Variants in B3GLCT observed in about 807,000 individuals in gnomAD.
B3GLCT encodes beta-1,3-glucosyltransferase.
A neutral mutation model predicts 63.4 loss-of-function variants in B3GLCT; 65 were observed. The ratio of observed to expected loss-of-function variants is 1.03; its 90% confidence interval spans 0.84 to 1.26. The LOEUF is 1.26. Ranked by LOEUF, B3GLCT falls within the 50% of genes most tolerant of loss-of-function variation. The probability of loss-of-function intolerance (pLI) is 0.00; values close to 1 mark genes in which losing one functional copy is unlikely to be tolerated. For synonymous variants in B3GLCT, 233 were observed against 219.2 expected (o/e 1.06, Z -0.55); for missense variants, 577 against 604.8 (o/e 0.95, Z 0.48).
rs1875855520 is a variant in B3GLCT at position 31,330,394 on chromosome 13, C to T, written c.*726C>T. 2 of 152,112 alleles carry T rather than the reference C, an allele frequency of 1.3e-5. No homozygotes were observed. The highest frequency in any genetic ancestry group is 1.3e-4 in the Admixed American group (2 of 15,262). 9.4% of individuals were successfully genotyped at this position (152,112 alleles called of 1,614,324 possible). A position where few individuals can be genotyped will look rare whatever the true frequency, so the allele number is the denominator to read the frequency against. On this transcript the variant is annotated 3_prime_UTR_variant, in exon 15 of 15. Coordinates refer to ENST00000343307, the MANE Select transcript of B3GLCT (RefSeq NM_194318.4). ...TCTCCCTGAAGCCCTATCTTTATGG[C>T]TTACTTGTAACATGAAAGTAGTAGA... is the stretch of plus-strand genomic sequence containing the variant.
intron 1 of B3GLCT, among the ~76,000 whole-genome samples, chr13:31,204,586 C>A (rs1868846370): frequency 6.6e-6 from 1 of 152,042 alleles, no homozygotes; most frequent in African/African-American, 2.4e-5. Context: ...TTGGGTAGGG[C>A]CTTGCAGATC....
At chr13:31,255,112 G>A (rs369071214) in intron 6 of B3GLCT, among the ~76,000 whole-genome samples, 2 of 151,210 alleles carry the variant, frequency 1.3e-5, no homozygotes, top group East Asian at 1.9e-4. Context: ...GCAAAGTCTC[G>A]GGATACAAAA....
In B3GLCT at chr13:31,329,520, C is replaced by T; in HGVS notation, c.1349C>T (p.Pro450Leu). ...CTGCAGGCTCGGCCGGTGGATTACC[C>T]TAAGGACTACCTTTCTCATCAAGTT... is the stretch of plus-strand genomic sequence containing the variant. ...LFHQARPVDY[P>L]KDYLSHQVPI... Residue 450 changes from proline (P) to leucine (L), a missense_variant, in exon 15 of 15, where the codon CCT (proline) becomes CTT (leucine). Physicochemically the swap from Pro to Leu is moderately conservative, Grantham distance 98 (BLOSUM62 -3). Coordinates refer to ENST00000343307, the MANE Select transcript of B3GLCT (RefSeq NM_194318.4). The T allele has an allele frequency of 6.2e-7, 1 of 1,614,216 alleles. No homozygotes were observed. The highest frequency in any genetic ancestry group is 8.5e-7 in the Non-Finnish European group (1 of 1,180,042).
At chr13:31,266,188 C>T (rs575919885) in intron 7 of B3GLCT, among the ~76,000 whole-genome samples, 8 of 151,990 alleles carry the variant, frequency 5.3e-5, no homozygotes, top group Non-Finnish European at 8.8e-5. Context: ...TTAGTAGAGA[C>T]GGGGTTTCAC....
intron 12 of B3GLCT, 40 bp downstream of exon 12, chr13:31,286,859 C>T: frequency 2.2e-6 from 3 of 1,361,538 alleles, no homozygotes; most frequent in Non-Finnish European, 2.1e-6. Context: ...TTAAATTCTA[C>T]ATATATTCAT....
chr13:31,257,533 A>T (rs1871803884), intron 6 of B3GLCT, among the ~76,000 whole-genome samples: 1 of 152,030 alleles, frequency 6.6e-6, no homozygotes. Context: ...TTAATGTTAG[A>T]TGTAAAAGTT....
At chr13:31,238,907 G>C (rs1366758713) in intron 4 of B3GLCT, among the ~76,000 whole-genome samples, 1 of 152,228 alleles carries the variant, frequency 6.6e-6, no homozygotes, top group African/African-American at 2.4e-5. Flanking sequence ...GTTTGAAGCT[G>C]TGTAGCAATA....
chr13:31,243,673 T>G (rs1023052220), intron 4 of B3GLCT, among the ~76,000 whole-genome samples: 3 of 152,204 alleles, frequency 2.0e-5, no homozygotes, highest in Non-Finnish European at 4.4e-5. Flanking sequence ...TGAATTAGAA[T>G]GTTGGTTTTA....
At position 31,299,930 on chromosome 13, in the gene B3GLCT, A is replaced by G. The variant is rs148212404; in HGVS notation, c.1064+13111A>G. On this transcript the variant is annotated intron_variant, in intron 12 of 14. Coordinates refer to ENST00000343307, the MANE Select transcript of B3GLCT (RefSeq NM_194318.4). The stretch of plus-strand genomic sequence containing the variant: ...ATGGGCAGGCAATTGGTCACTGCCT[A>G]TGAGTTAGTAAAATCCTAAACACAA... Among the ~76,000 whole-genome samples, 18 of 152,316 alleles carry G rather than the reference A, an allele frequency of 1.2e-4. No individual in the cohort carries two copies. The East Asian group carries it at 3.5e-3, about 29-fold the overall frequency.
rs746265467 is a variant in B3GLCT, at chr13:31,229,224, ATTC to A, written c.203_205del (p.Ser68del). On this transcript the variant is annotated inframe_deletion, in exon 4 of 15. Transcript: ENST00000343307. ...GTATTCGTCATCCAGAGTCAAAGTA[ATTC>A]TTTTCATGCAAAGAGAGCAGAGCAG... 6.2e-7 allele frequency: 1 copy of A among 1,613,190 alleles called. No homozygotes were observed. The highest frequency in any genetic ancestry group is 8.5e-7 in the Non-Finnish European group (1 of 1,179,122).
chr13:31,265,657 C>T (rs1350186182), intron 7 of B3GLCT, among the ~76,000 whole-genome samples: 1 of 152,218 alleles, frequency 6.6e-6, no homozygotes, highest in African/African-American at 2.4e-5. Context: ...ACAATACTTT[C>T]ATTTTTGGAG....
At chr13:31,300,518 G>A (rs1874171354) in intron 12 of B3GLCT, among the ~76,000 whole-genome samples, 1 of 152,242 alleles carries the variant, frequency 6.6e-6, no homozygotes, top group Admixed American at 6.5e-5. Flanking sequence ...CAGAGACTAG[G>A]GTTTTTTGGA....
At chr13:31,286,434 A>G (rs560164923) in intron 11 of B3GLCT, among the ~76,000 whole-genome samples, 37 of 152,290 alleles carry the variant, frequency 2.4e-4, no homozygotes, top group Non-Finnish European at 1.8e-4. Context: ...TACTAATTCT[A>G]TCTCTGCCTC....
chr13:31,242,616 A>T (rs1337242672), intron 4 of B3GLCT, among the ~76,000 whole-genome samples: 1 of 152,242 alleles, frequency 6.6e-6, no homozygotes. Flanking sequence ...GCTCAGAAGA[A>T]ATAGAGCCAG....
In B3GLCT at chr13:31,239,060, G is replaced by A. The variant is rs1433812055; in HGVS notation, c.271-7963G>A. On this transcript the variant is annotated intron_variant, in intron 4 of 14. Transcript: ENST00000343307. ...GGTTTAGAACATAGTTCTGGAAGATGAAGACATGAATTGCCAGAAGGTCTG... is the reference window on the plus strand; with the variant it reads ...GGTTTAGAACATAGTTCTGGAAGATAAAGACATGAATTGCCAGAAGGTCTG... Among the ~76,000 whole-genome samples, 48 of 152,182 alleles carry A rather than the reference G, an allele frequency of 3.2e-4. 1 individual carries two copies. The highest frequency in any genetic ancestry group is 3.1e-3 in the Admixed American group (48 of 15,276).
rs540403028 is a variant in B3GLCT, at chr13:31,260,021, A to G, written c.460-925A>G. The stretch of plus-strand genomic sequence containing the variant: ...GAAGTGGAAGTCTTTCGTTACACTT[A>G]GAATAAAGTCTGTGCTCCTTTCCCC... On this transcript the variant is annotated intron_variant, in intron 6 of 14. Coordinates refer to ENST00000343307, the MANE Select transcript of B3GLCT (RefSeq NM_194318.4). Among the ~76,000 whole-genome samples the G allele has an allele frequency of 3.3e-5, 5 of 152,300 alleles. No individual in the cohort carries two copies. In the South Asian group the frequency reaches 1.0e-3, roughly 32 times the overall value.
chr13:31,263,388 T>C (rs963702137), intron 7 of B3GLCT, among the ~76,000 whole-genome samples: 2 of 152,216 alleles, frequency 1.3e-5, no homozygotes, highest in Non-Finnish European at 2.9e-5. Context: ...TTTGAACACA[T>C]TTTTGACTCC....
chr13:31,324,281 T>G (rs1875494549), intron 14 of B3GLCT, among the ~76,000 whole-genome samples: 1 of 152,168 alleles, frequency 6.6e-6, no homozygotes, highest in South Asian at 2.1e-4. Flanking sequence ...GTCTATGTAA[T>G]TCTACACCAT....
chr13:31,263,676 A>T (rs1276090281), intron 7 of B3GLCT, among the ~76,000 whole-genome samples: 1 of 152,042 alleles, frequency 6.6e-6, no homozygotes, highest in South Asian at 2.1e-4. Context: ...TATGTTCTGG[A>T]TTATCTGGCA....
Sources: allele counts gnomAD v4.1 joint callset (sites outside exome capture counted in the v4.1 genomes callset), GRCh38; gene constraint gnomAD v4.1.1; transcripts MANE v1.5; gene names NCBI Gene and HGNC (gene_info 2026-07-23, HGNC 2026-07-21).